The following HDDC2 variants were observed in gnomAD, a reference collection of about 807,000 sequenced individuals.
HDDC2 encodes 5'-deoxynucleotidase HDDC2.
In HDDC2, 25 loss-of-function variants were observed where a neutral mutation model predicts 25.5. That is an observed-to-expected ratio of 0.98 (90% CI 0.72 to 1.37). The LOEUF is 1.37. HDDC2 is among the 40% of genes most tolerant of loss of function. The pLI, the probability that HDDC2 is intolerant of heterozygous loss-of-function variation, is 0.00. For synonymous variants in HDDC2, 106 were observed against 89.7 expected (o/e 1.18, Z -1.03); for missense variants, 264 against 253.1 (o/e 1.04, Z -0.29).
intron 4 of HDDC2, among the ~76,000 whole-genome samples, chr6:125,289,923 T>C (rs1488693222): frequency 6.6e-6 from 1 of 152,228 alleles, no homozygotes; most frequent in African/African-American, 2.4e-5. Flanking sequence ...CATCTTTCTG[T>C]GATACTTTCA....
intron 4 of HDDC2, among the ~76,000 whole-genome samples, chr6:125,287,403 G>A (rs551240247): frequency 2.0e-5 from 3 of 152,232 alleles, no homozygotes; most frequent in African/African-American, 7.2e-5. Context: ...CTTTACCTGA[G>A]TTGTAGTTAG....
intron 4 of HDDC2, among the ~76,000 whole-genome samples, chr6:125,287,654 TC>T (rs1798560417): frequency 6.6e-6 from 1 of 151,922 alleles, no homozygotes; most frequent in Non-Finnish European, 1.5e-5. Context: ...TATGGAGCAA[TC>T]AGCACATGAT....
intron 3 of HDDC2, among the ~76,000 whole-genome samples, chr6:125,296,949 G>C (rs79191985): frequency 6.6e-6 from 1 of 152,316 alleles, no homozygotes; most frequent in East Asian, 1.9e-4. Flanking sequence ...CTCCTCTGCG[G>C]AGTGAATCTC....
At chr6:125,281,047 T>A (rs1798450543) in intron 4 of HDDC2, among the ~76,000 whole-genome samples, 1 of 152,174 alleles carries the variant, frequency 6.6e-6, no homozygotes, top group South Asian at 2.1e-4. Flanking sequence ...CCTCTGCTGG[T>A]GATACTCAGG....
chr6:125,278,251 A>C (rs1285626098), intron 4 of HDDC2: 1 of 152,216 alleles, frequency 6.6e-6, no homozygotes, highest in Non-Finnish European at 1.5e-5. Context: ...AACCAAATAC[A>C]CTTTGCTTTA....
chr6:125,292,225 T>TC, intron 4 of HDDC2, among the ~76,000 whole-genome samples: 1 of 152,176 alleles, frequency 6.6e-6, no homozygotes, highest in Non-Finnish European at 1.5e-5. Context: ...AATTTTTTTT[T>TC]CCCTTCACAA....
intron 4 of HDDC2, among the ~76,000 whole-genome samples, chr6:125,284,068 A>T (rs1275254855): frequency 6.6e-6 from 1 of 152,220 alleles, no homozygotes; most frequent in Non-Finnish European, 1.5e-5. Flanking sequence ...AGAAATGGGG[A>T]AAGGATTCCC....
At position 125,276,648 on chromosome 6, in the gene HDDC2, G is replaced by A. The variant is rs1006164104; in HGVS notation, c.518-405C>T. On this transcript the variant is annotated intron_variant, in intron 5 of 5. Coordinates refer to ENST00000398153, the MANE Select transcript of HDDC2 (RefSeq NM_016063.3). ...AAGCACCTATATATGAAAAGACAAG[G>A]AGGAAGATCAGAGGGGCTAGGCTGG... 3 of 237,484 alleles carry A rather than the reference G, an allele frequency of 1.3e-5. 1 individual carries two copies. Among genetic ancestry groups the A allele is most frequent in the South Asian group, 1.7e-4 (2 of 11,592 alleles). 14.7% of individuals were successfully genotyped at this position (237,484 alleles called of 1,614,324 possible).
chr6:125,276,384 C>T (rs960026868), intron 5 of HDDC2, 141 bp from the exon 6 acceptor site: 2 of 659,186 alleles, frequency 3.0e-6, no homozygotes, highest in East Asian at 2.7e-5. Flanking sequence ...GAAAGAGATT[C>T]CAGGTCCTGG....
intron 3 of HDDC2, among the ~76,000 whole-genome samples, chr6:125,296,639 GTTCT>G (rs1158646404): frequency 1.3e-5 from 2 of 152,174 alleles, no homozygotes; most frequent in Non-Finnish European, 1.5e-5. Flanking sequence ...AGAACTTGTG[GTTCT>G]TTAAGATGTT....
chr6:125,284,570 T>C (rs9491366), intron 4 of HDDC2, among the ~76,000 whole-genome samples: 3,571 of 152,266 alleles, frequency 0.023, 126 homozygotes, highest in African/African-American at 0.081. Flanking sequence ...AAAAAGCTCA[T>C]TATCACTGGT....
Position 125,300,577 on chromosome 6 carries a change from A to G in HDDC2, c.167T>C (p.Met56Thr), listed in dbSNP as rs763855232. The change falls in exon 2 of 6, where the codon ATG (methionine) becomes ACG (threonine). Residue 56 changes from methionine (M) to threonine (T), a missense_variant. By Grantham distance (81) the Met-to-Thr change is moderately conservative. Transcript: ENST00000398153. Reference protein sequence around the residue: ...VSDHMYRMAVMAMVIKDDRLN... With the variant: ...VSDHMYRMAVTAMVIKDDRLN... ...ACGGTCATCTTTGATCACCATAGCC[A>G]TAACTGCCATCCGGTACATGTGATC... 12 of 1,614,104 alleles carry G rather than the reference A, an allele frequency of 7.4e-6. No homozygotes were observed. Among genetic ancestry groups the G allele is most frequent in the Admixed American group, 1.7e-5 (1 of 60,002 alleles).
At chr6:125,290,006 T>C (rs1306193551) in intron 4 of HDDC2, among the ~76,000 whole-genome samples, 1 of 152,228 alleles carries the variant, frequency 6.6e-6, no homozygotes, top group African/African-American at 2.4e-5. Flanking sequence ...AAAGATAAAT[T>C]ATAATCAAGG....
intron 4 of HDDC2, among the ~76,000 whole-genome samples, chr6:125,288,303 C>T (rs1369274630): frequency 6.6e-6 from 1 of 151,978 alleles, no homozygotes; most frequent in African/African-American, 2.4e-5. Context: ...AGGGAGGTGA[C>T]CCGAGGCCCA....
At chr6:125,276,974 TTTTTA>T in intron 5 of HDDC2, 123 bp downstream of exon 5, 2 of 898,884 alleles carry the variant, frequency 2.2e-6, no homozygotes, top group Non-Finnish European at 3.4e-6. Flanking sequence ...CTTCCCTTTC[TTTTTA>T]GATGCTCCAC....
At chr6:125,295,835 C>G (rs562962340) in intron 3 of HDDC2, among the ~76,000 whole-genome samples, 34 of 152,242 alleles carry the variant, frequency 2.2e-4, no homozygotes, top group African/African-American at 7.9e-4. Flanking sequence ...GCTTCAAGTT[C>G]CACCTCACTA....
chr6:125,276,314 G>A, intron 5 of HDDC2, 71 bp from the exon 6 acceptor site: 3 of 1,171,972 alleles, frequency 2.6e-6, no homozygotes, highest in Non-Finnish European at 3.8e-6. Context: ...TCCCCAGCTT[G>A]ATCCCAGGGT....
chr6:125,277,222 T>C lies in HDDC2; in HGVS notation c.397A>G (p.Ser133Gly). Residue 133 changes from serine (S) to glycine (G), a missense_variant, in exon 5 of 6, where the codon AGT becomes GGT. By Grantham distance (56) the Ser-to-Gly change is moderately conservative. Transcript: ENST00000398153. ...TGCTTCACAAATTTGGCTTCTGCAC[T>C]AGATTGGGTCTCGTACTCCTAAGTA... ...ELWEEYETQS[S>G]AEAKFVKQLD... The C allele has an allele frequency of 6.2e-7, 1 of 1,614,112 alleles. No individual in the cohort carries two copies. Among genetic ancestry groups the C allele is most frequent in the Non-Finnish European group, 8.5e-7 (1 of 1,179,966 alleles).
intron 3 of HDDC2, chr6:125,298,506 T>C: frequency 1.7e-6 from 1 of 588,094 alleles, no homozygotes; most frequent in Non-Finnish European, 3.0e-6. Context: ...CCCAGCTAGT[T>C]GCCTAACTTG....
Sources: allele counts gnomAD v4.1 joint callset (sites outside exome capture counted in the v4.1 genomes callset), GRCh38; gene constraint gnomAD v4.1.1; transcripts MANE v1.5; gene names NCBI Gene and HGNC (gene_info 2026-07-23, HGNC 2026-07-21).